GPC3: variants seen among roughly 807,000 people sequenced by gnomAD.
GPC3 encodes the protein glypican-3.
In GPC3, 3 loss-of-function variants were observed where a neutral mutation model predicts 34.4. The observed-to-expected ratio is 0.09, with a 90% CI of 0.04 to 0.23. GPC3 has a LOEUF of 0.23. Among genes scored for constraint, GPC3 ranks in the 10% least tolerant of loss-of-function variants. GPC3 has a pLI of 1.00. For missense variants in GPC3, 351 were observed against 445.6 expected, an observed-to-expected ratio of 0.79 and a Z score of 1.91; for synonymous variants, 177 against 174.0, an observed-to-expected ratio of 1.02 and a Z score of -0.13.
At position 133,709,070 on chromosome X, in the gene GPC3, CTCTAT is replaced by C. The variant is rs2071243041; in HGVS notation, c.1033-9047_1033-9043del. On this transcript the variant is annotated intron_variant, in intron 3 of 7. Transcript: ENST00000370818. ...CCATGTTTGTGGATCTATTTCTGAA[CTCTAT>C]TCTGTTTATTTAAATGTTTGTGCTT... Among the ~76,000 whole-genome samples, 11 of 111,795 alleles carry C rather than the reference CTCTAT, an allele frequency of 9.8e-5. No individual in the cohort carries two copies. In the South Asian group the frequency reaches 4.1e-3, roughly 41 times the overall value.
intron 5 of GPC3, among the ~76,000 whole-genome samples, chrX:133,691,506 A>C (rs768917685): frequency 2.3e-4 from 25 of 110,329 alleles, no homozygotes; most frequent in Non-Finnish European, 3.4e-4. Flanking sequence ...CTCAAAAAAA[A>C]AAACAAACAA....
intron 1 of GPC3, among the ~76,000 whole-genome samples, chrX:133,974,086 T>C (rs144494595): frequency 0.016 from 1,790 of 112,244 alleles, 31 homozygotes; most frequent in African/African-American, 0.055. Context: ...AGTCTCACTC[T>C]GTCACCCAGG....
Position 133,633,969 on chromosome X carries a change from C to T in GPC3, c.1413+27761G>A, listed in dbSNP as rs2070392180. On this transcript the variant is annotated intron_variant, in intron 6 of 7. Coordinates refer to ENST00000370818, the MANE Select transcript of GPC3 (RefSeq NM_004484.4). ...AAAAATCTCCTGGCATAGTCATATT[C>T]TTTCCACTTTTTTCTCTCCATTGAA... 6.2e-5 allele frequency among the ~76,000 whole-genome samples: 7 copies of T among 112,200 alleles called. No individual in the cohort carries two copies. The South Asian group carries it at 2.6e-3, about 41-fold the overall frequency.
intron 3 of GPC3, among the ~76,000 whole-genome samples, chrX:133,734,874 A>T (rs139702892): frequency 0.026 from 2,939 of 111,942 alleles, 38 homozygotes; most frequent in Non-Finnish European, 0.042. Flanking sequence ...AAACAATTCC[A>T]TTTACAATAA....
intron 6 of GPC3, among the ~76,000 whole-genome samples, chrX:133,642,796 A>G (rs1473608282): frequency 9.2e-6 from 1 of 108,724 alleles, no homozygotes; most frequent in African/African-American, 3.3e-5. Context: ...AAAAAAAAGA[A>G]AGAAAGAAAG....
At chrX:133,813,713 G>A (rs991394865) in intron 2 of GPC3, among the ~76,000 whole-genome samples, 1 of 112,349 alleles carries the variant, frequency 8.9e-6, no homozygotes. Flanking sequence ...AGCTAGTGGT[G>A]CACGGAGCAC....
intron 2 of GPC3, among the ~76,000 whole-genome samples, chrX:133,911,324 T>C (rs1311488550): frequency 8.9e-6 from 1 of 112,357 alleles, no homozygotes; most frequent in Admixed American, 9.4e-5. Flanking sequence ...ATCACGTCTA[T>C]ATGCAGTACA....
chrX:133,661,964 A>C, intron 5 of GPC3, 114 bp from the exon 6 acceptor site: 24 of 877,785 alleles, frequency 2.7e-5, no homozygotes, highest in Non-Finnish European at 4.0e-5. Flanking sequence ...AGACGACCTC[A>C]TGGTGCAAAA....
At chrX:133,866,256 C>T (rs190913666) in intron 2 of GPC3, among the ~76,000 whole-genome samples, 6 of 111,933 alleles carry the variant, frequency 5.4e-5, no homozygotes, top group African/African-American at 1.9e-4. Context: ...CCTTTTAGTG[C>T]ACAACTGAGC....
intron 7 of GPC3, among the ~76,000 whole-genome samples, chrX:133,551,668 A>C (rs763036396): frequency 2.1e-4 from 23 of 111,510 alleles, no homozygotes; most frequent in South Asian, 3.8e-4. Context: ...CTTTGATTTA[A>C]ACCTCTAGTC....
intron 5 of GPC3, among the ~76,000 whole-genome samples, chrX:133,679,188 CAG>C (rs1453355582): frequency 9.0e-6 from 1 of 111,028 alleles, no homozygotes; most frequent in African/African-American, 3.3e-5. Context: ...GAGAGATGTA[CAG>C]AGAGAGATAC....
chrX:133,558,903 GTAAATAAATAAATAAATAAA>G (rs755481125), intron 7 of GPC3, among the ~76,000 whole-genome samples: 1 of 102,601 alleles, frequency 9.7e-6, no homozygotes, highest in Non-Finnish European at 2.0e-5. Flanking sequence ...AAATAAGTAA[GTAAATAAATAAATAAATAAA>G]TAAATAAATA....
At chrX:133,790,471 T>C (rs2072148801) in intron 2 of GPC3, among the ~76,000 whole-genome samples, 2 of 111,753 alleles carry the variant, frequency 1.8e-5, no homozygotes, top group African/African-American at 6.5e-5. Flanking sequence ...ATTTGCTGTG[T>C]TGGGGGGAGA....
chrX:133,722,433 G>T (rs976138436), intron 3 of GPC3, among the ~76,000 whole-genome samples: 5 of 111,691 alleles, frequency 4.5e-5, no homozygotes, highest in African/African-American at 1.6e-4. Context: ...TATGTTAGAA[G>T]AGGCCAAATT....
chrX:133,793,991 T>C (rs888123901), intron 2 of GPC3, among the ~76,000 whole-genome samples: 2 of 111,875 alleles, frequency 1.8e-5, no homozygotes, highest in Non-Finnish European at 3.8e-5. Flanking sequence ...ACTAAGCTAA[T>C]ATAGGAGGCT....
intron 1 of GPC3, among the ~76,000 whole-genome samples, chrX:133,979,529 C>T (rs945087219): frequency 6.3e-5 from 7 of 111,732 alleles, no homozygotes; most frequent in African/African-American, 2.3e-4. Flanking sequence ...TTTGTATATT[C>T]AACAAGATAT....
At chrX:133,747,872 G>A (rs1294095848) in intron 3 of GPC3, among the ~76,000 whole-genome samples, 1 of 112,220 alleles carries the variant, frequency 8.9e-6, no homozygotes, top group African/African-American at 3.2e-5. Flanking sequence ...GGTAGAAAAG[G>A]TTGCAATTCT....
intron 7 of GPC3, among the ~76,000 whole-genome samples, chrX:133,565,849 T>C (rs1002780917): frequency 5.3e-5 from 6 of 112,228 alleles, no homozygotes; most frequent in African/African-American, 1.6e-4. Flanking sequence ...TAGGGAGAGT[T>C]TGAGGAAGAG....
intron 1 of GPC3, among the ~76,000 whole-genome samples, chrX:133,967,245 G>C (rs1299828459): frequency 8.9e-6 from 1 of 112,653 alleles, no homozygotes; most frequent in Non-Finnish European, 1.9e-5. Context: ...ATGATGCTCA[G>C]TAATAACTTT....
Sources: allele counts gnomAD v4.1 joint callset (sites outside exome capture counted in the v4.1 genomes callset), GRCh38; gene constraint gnomAD v4.1.1; transcripts MANE v1.5; gene names NCBI Gene and HGNC (gene_info 2026-07-23, HGNC 2026-07-21).